MTOR: variants seen among roughly 807,000 people sequenced by gnomAD.
The protein encoded by MTOR is serine/threonine-protein kinase mTOR.
MTOR carries 70 observed loss-of-function variants against 319.8 expected under a neutral mutation model. The ratio of observed to expected loss-of-function variants is 0.22; its 90% CI spans 0.18 to 0.27. The LOEUF (loss-of-function observed/expected upper bound fraction) is 0.27, where lower values mean the gene tolerates loss of function less well. Ranked by LOEUF, MTOR falls within the 10% of genes least tolerant of loss-of-function variation. MTOR has a pLI of 1.00. For synonymous variants in MTOR, 1,183 were observed against 1,211.4 expected (o/e 0.98, Z 0.49); for missense variants, 1,890 against 3,274.4 (o/e 0.58, Z 10.32).
chr1:11,253,044 G>A (rs1649899288), intron 6 of MTOR, among the ~76,000 whole-genome samples: 1 of 152,170 alleles, frequency 6.6e-6, no homozygotes, highest in Admixed American at 6.5e-5. Flanking sequence ...GCTCTTGGGA[G>A]ACACAGACCT....
intron 38 of MTOR, chr1:11,131,940 C>A (rs1319868562): frequency 6.6e-6 from 1 of 152,130 alleles, no homozygotes; most frequent in African/African-American, 2.4e-5. Context: ...TCTACAATGA[C>A]CCAGGTTTCA....
At position 11,193,694 on chromosome 1, in the gene MTOR, A is replaced by C. The variant is rs747782579; in HGVS notation, c.4253+5564T>G. 5.0e-6 allele frequency: 8 copies of C among 1,613,992 alleles called. No individual in the cohort carries two copies. Among genetic ancestry groups the C allele is most frequent in the Non-Finnish European group, 6.8e-6 (8 of 1,180,014 alleles). ...GCAGTACAAGCAGGGCTTTGGCAGC[A>C]TCCGTGGGGACTTCTGGCTGGGGAA... On this transcript the variant is annotated intron_variant, in intron 28 of 57. Coordinates refer to ENST00000361445, the MANE Select transcript of MTOR (RefSeq NM_004958.4).
intron 28 of MTOR, chr1:11,195,070 G>C (rs772536299): frequency 8.8e-6 from 14 of 1,590,818 alleles, no homozygotes; most frequent in Non-Finnish European, 1.1e-5. Flanking sequence ...GACACGTGGA[G>C]ACTGGATGAG....
chr1:11,230,259 A>G (rs920683135), intron 18 of MTOR, among the ~76,000 whole-genome samples: 1 of 152,156 alleles, frequency 6.6e-6, no homozygotes, highest in African/African-American at 2.4e-5. Flanking sequence ...CTCCCTACTA[A>G]AAATGCAAAA....
chr1:11,129,217 G>A lies in MTOR; in HGVS notation c.5715-266C>T, dbSNP rs1570945122. On this transcript the variant is annotated intron_variant, in intron 40 of 57. Coordinates refer to ENST00000361445, the MANE Select transcript of MTOR (RefSeq NM_004958.4). The surrounding 1 kb of genome is among the most constrained non-coding windows in gnomAD (Gnocchi z 4.7). ...GCATGTATGCAAACATCAAACAGAC[G>A]AGCCAGGATAACCTTTAGAAAGCCA... 6.6e-6 allele frequency among the ~76,000 whole-genome samples: 1 copy of A among 152,154 alleles called. No homozygotes were observed.
intron 1 of MTOR, among the ~76,000 whole-genome samples, chr1:11,261,749 C>T (rs1651162663): frequency 6.6e-6 from 1 of 152,014 alleles, no homozygotes; most frequent in African/African-American, 2.4e-5. Flanking sequence ...TTAAGAATCC[C>T]TGCTAAGAAA....
At chr1:11,253,745 A>G in intron 6 of MTOR, 94 bp downstream of exon 6, 1 of 1,403,908 alleles carries the variant, frequency 7.1e-7, no homozygotes, top group Non-Finnish European at 9.9e-7. Context: ...TCCTGCCACA[A>G]AATGTCAGCT....
chr1:11,178,069 AG>A (rs1157243851), intron 28 of MTOR, among the ~76,000 whole-genome samples: 3 of 152,164 alleles, frequency 2.0e-5, no homozygotes, highest in Non-Finnish European at 4.4e-5. Flanking sequence ...TCCCACTGAT[AG>A]ATCCCATGGC....
intron 23 of MTOR, among the ~76,000 whole-genome samples, chr1:11,211,419 G>A (rs771930519): frequency 3.9e-5 from 6 of 152,228 alleles, no homozygotes; most frequent in Admixed American, 2.6e-4. Flanking sequence ...AGGCTGGAGT[G>A]CAATGGCACA....
chr1:11,159,432 G>T (rs1396333751), intron 29 of MTOR, among the ~76,000 whole-genome samples: 8 of 152,018 alleles, frequency 5.3e-5, no homozygotes, highest in Non-Finnish European at 2.9e-5. Flanking sequence ...ACCTGAAGTT[G>T]GGAGTTTGAG....
At chr1:11,155,101 T>C (rs1481824697) in intron 30 of MTOR, among the ~76,000 whole-genome samples, 1 of 152,220 alleles carries the variant, frequency 6.6e-6, no homozygotes, top group African/African-American at 2.4e-5. Flanking sequence ...TTAGAAGACT[T>C]GCTTTGATTT....
rs767904339 is a variant in MTOR at position 11,127,662 on chromosome 1, G to A, written c.6178C>T (p.Arg2060Trp). ...GTTTCCTTCAGAGTCTGGGGGCCCC[G>A]TTCCATCATAGCATGCAAGGGCTCC... Reference protein sequence around the residue: ...VLEPLHAMMERGPQTLKETSF... With the variant: ...VLEPLHAMMEWGPQTLKETSF... The change falls in exon 44 of 58, where the codon CGG becomes TGG. Residue 2060 changes from arginine (R) to tryptophan (W), a missense_variant. Physicochemically the swap from Arg to Trp is moderately radical, Grantham distance 101. Coordinates refer to ENST00000361445, the MANE Select transcript of MTOR (RefSeq NM_004958.4). The surrounding 1 kb of genome is among the most constrained non-coding windows in gnomAD (Gnocchi z 5.5). The A allele has an allele frequency of 6.2e-6, 10 of 1,613,804 alleles. No homozygotes were observed. Among genetic ancestry groups the A allele is most frequent in the Non-Finnish European group, 8.5e-6 (10 of 1,179,996 alleles).
intron 30 of MTOR, among the ~76,000 whole-genome samples, chr1:11,154,068 C>CAA (rs70977548): frequency 0.011 from 146 of 13,070 alleles, 53 homozygotes; most frequent in African/African-American, 0.027. Flanking sequence ...GACTCTGTCT[C>CAA]AAAAAAAAAA....
rs1641588922 is a variant in MTOR at position 11,106,601 on chromosome 1, A to C, written c.*884T>G. 1 of 1,076,698 alleles carries C rather than the reference A, an allele frequency of 9.3e-7. No homozygotes were observed. The highest frequency in any genetic ancestry group is 1.1e-6 in the Non-Finnish European group (1 of 885,774). 66.7% of individuals were successfully genotyped at this position (1,076,698 alleles called of 1,614,324 possible). On this transcript the variant is annotated 3_prime_UTR_variant, in exon 58 of 58. Transcript: ENST00000361445. ...TTCTGATACAACATGGTGTCTAGAC[A>C]TGGCTACACTTTATACTTTGTGCAT...
In MTOR at chr1:11,164,719, A is replaced by G. The variant is rs550835197; in HGVS notation, c.4329+2723T>C. Among the ~76,000 whole-genome samples, 151 of 152,330 alleles carry G rather than the reference A, an allele frequency of 9.9e-4. 1 individual carries two copies. Among genetic ancestry groups the G allele is most frequent in the South Asian group, 5.2e-3 (25 of 4,834 alleles). On this transcript the variant is annotated intron_variant, in intron 29 of 57. Transcript: ENST00000361445. ...CTCTGAAACTATTCCAATAAACAGA[A>G]AAAGAGGGACTCTTCCCTAACTCAT...
intron 19 of MTOR, 41 bp downstream of exon 19, chr1:11,228,627 T>C: frequency 1.9e-6 from 3 of 1,601,636 alleles, no homozygotes; most frequent in Non-Finnish European, 2.6e-6. Flanking sequence ...GCATGTGTGG[T>C]GCAGAGGAGA....
rs372937931 is a variant in MTOR at position 11,210,793 on chromosome 1, C to T, written c.3654+21G>A. ...AGTAAAGACAACAGGGACTTCAGAA[C>T]AGAAAAGAAGTATAGTTCACCTTGA... On this transcript the variant is annotated intron_variant, in intron 24 of 57. Transcript: ENST00000361445. 20 of 1,555,534 alleles carry T rather than the reference C, an allele frequency of 1.3e-5. No individual in the cohort carries two copies. The African/African-American group carries it at 2.5e-4, about 19-fold the overall frequency.
chr1:11,140,985 A>AT, intron 34 of MTOR, among the ~76,000 whole-genome samples: 1 of 141,992 alleles, frequency 7.0e-6, no homozygotes, highest in East Asian at 2.2e-4. Flanking sequence ...AGACTTCTGA[A>AT]AAAAAAAAAA....
At position 11,109,167 on chromosome 1, in the gene MTOR, T is replaced by C. The variant is rs2100285232; in HGVS notation, c.7528+123A>G. The C allele has an allele frequency of 3.9e-6, 3 of 771,260 alleles. No individual in the cohort carries two copies. Among genetic ancestry groups the C allele is most frequent in the Non-Finnish European group, 4.3e-6 (2 of 461,248 alleles). The allele number at this position is 771,260 out of a possible 1,614,324, so 47.8% of individuals were successfully genotyped here. On this transcript the variant is annotated intron_variant, in intron 56 of 57. Transcript: ENST00000361445. The surrounding 1 kb of genome is among the most constrained non-coding windows in gnomAD (Gnocchi z 4.0). ...TAACTGATGACCTCAAAGACACTCT[T>C]TGTCAGCTGCATGGTGCCAAAGCTC...
Sources: allele counts gnomAD v4.1 joint callset (sites outside exome capture counted in the v4.1 genomes callset), GRCh38; gene constraint gnomAD v4.1.1; non-coding constraint Gnocchi (gnomAD v3.1); transcripts MANE v1.5; gene names NCBI Gene and HGNC (gene_info 2026-07-23, HGNC 2026-07-21).